GFRA2: variants seen among roughly 807,000 people sequenced by gnomAD.
GFRA2 encodes the protein GDNF family receptor alpha 2, also known as GDNF family receptor alpha-2.
A neutral mutation model predicts 48.3 loss-of-function variants in GFRA2; 17 were observed. The observed-to-expected ratio is 0.35, with a 90% CI of 0.24 to 0.53. GFRA2 has a LOEUF of 0.53. GFRA2 is among the 20% of genes least tolerant of loss of function. The pLI is 0.93. For synonymous variants in GFRA2, 305 were observed against 257.2 expected (o/e 1.19, Z -1.78); for missense variants, 660 against 637.3 (o/e 1.04, Z -0.38).
At chr8:21,726,989 A>G (rs553059079) in intron 4 of GFRA2, among the ~76,000 whole-genome samples, 1 of 152,150 alleles carries the variant, frequency 6.6e-6, no homozygotes, top group South Asian at 2.1e-4. Context: ...TGACCTCGTG[A>G]TCCACCTGCC....
At chr8:21,747,801 C>CACAT (rs1491168901) in intron 4 of GFRA2, among the ~76,000 whole-genome samples, 1 of 149,672 alleles carries the variant, frequency 6.7e-6, no homozygotes, top group African/African-American at 2.5e-5. Context: ...CACACACACA[C>CACAT]GCATGCACAC....
At chr8:21,763,751 G>T (rs187205482) in intron 3 of GFRA2, among the ~76,000 whole-genome samples, 2 of 151,294 alleles carry the variant, frequency 1.3e-5, no homozygotes, top group East Asian at 1.9e-4. Flanking sequence ...CCAAACACTT[G>T]CTCTCCCTCA....
At chr8:21,748,426 C>G (rs1210644371) in intron 4 of GFRA2, among the ~76,000 whole-genome samples, 3 of 151,928 alleles carry the variant, frequency 2.0e-5, no homozygotes, top group East Asian at 3.9e-4. Flanking sequence ...GTAAACAAAA[C>G]AGAAATAGTT....
rs781042387 is a variant in GFRA2 at position 21,750,740 on chromosome 8, C to T, written c.642G>A (p.Glu214=). Residue 214 remains glutamate (E), a synonymous_variant, in exon 4 of 9, where the codon GAG becomes GAA. Transcript: ENST00000524240. The surrounding 1 kb of genome is among the most constrained non-coding windows in gnomAD (Gnocchi z 5.7). ...AGCAGAAGAGCATGCGGTAGGTGTA[C>T]TCGCTGGGCACCCGGTCGAAGAACT... The part of the protein sequence containing the change: ...LRQFFDRVPS[E]YTYRMLFCSC... 2 of 1,614,008 alleles carry T rather than the reference C, an allele frequency of 1.2e-6. No individual in the cohort carries two copies. The highest frequency in any genetic ancestry group is 1.7e-6 in the Non-Finnish European group (2 of 1,179,898).
intron 3 of GFRA2, among the ~76,000 whole-genome samples, chr8:21,768,121 G>A (rs1288398995): frequency 3.9e-5 from 6 of 152,182 alleles, no homozygotes; most frequent in South Asian, 4.2e-4. Flanking sequence ...ACCTCTCCTC[G>A]TCTCCATAGC....
intron 4 of GFRA2, among the ~76,000 whole-genome samples, chr8:21,715,427 G>A (rs574213667): frequency 7.2e-5 from 11 of 152,330 alleles, no homozygotes; most frequent in African/African-American, 2.6e-4. Context: ...TTCTGCCTCA[G>A]CCTCCCAAGC....
intron 4 of GFRA2, among the ~76,000 whole-genome samples, chr8:21,716,269 G>T (rs1374167313): frequency 1.3e-5 from 2 of 150,308 alleles, no homozygotes; most frequent in Non-Finnish European, 2.9e-5. Context: ...GTTGCAGTGA[G>T]CCCAGATCAC....
At position 21,809,602 on chromosome 8, in the gene GFRA2, C is replaced by T. The variant is rs748496386; in HGVS notation, c.-148+2629G>A. On this transcript the variant is annotated intron_variant, in intron 1 of 10. Transcript: ENST00000517328. ...TCGGCCTCCCAAAGTGCTAGGATTA[C>T]AGGCGTGAGCCACCGCGCCCGGCCA... Among the ~76,000 whole-genome samples, 86 of 152,294 alleles carry T rather than the reference C, an allele frequency of 5.6e-4. 1 individual carries two copies. The highest frequency in any genetic ancestry group is 1.0e-3 in the Non-Finnish European group (71 of 68,002).
In GFRA2 at chr8:21,705,001, G is replaced by C; in HGVS notation, c.1029C>G (p.Thr343=). 6.2e-7 allele frequency: 1 copy of C among 1,610,088 alleles called. No individual in the cohort carries two copies. The highest frequency in any genetic ancestry group is 8.5e-7 in the Non-Finnish European group (1 of 1,178,594). ...EECEKFLRDF[T]ENPCLRNAIQ... is the part of the protein sequence containing the mutation. ...AGAACTTACGGAGGCATGGGTTCTC[G>C]GTGAAGTCCCTGAGGAACTTCTCAC... The change falls in exon 6 of 9, where the codon ACC becomes ACG. Residue 343 remains threonine (T), a synonymous_variant. Transcript: ENST00000524240.
Position 21,702,960 on chromosome 8 carries a change from A to G in GFRA2, c.1063T>C (p.Phe355Leu). The G allele has an allele frequency of 7.2e-6, 11 of 1,530,352 alleles. No homozygotes were observed. Among genetic ancestry groups the G allele is most frequent in the Non-Finnish European group, 9.6e-6 (11 of 1,145,246 alleles). The allele number at this position is 1,530,352 out of a possible 1,614,324, so 94.8% of individuals were successfully genotyped here. The change falls in exon 7 of 9, where the codon TTT (phenylalanine) becomes CTT (leucine). Residue 355 changes from phenylalanine to leucine, a missense_variant. Coordinates refer to ENST00000524240, the MANE Select transcript of GFRA2 (RefSeq NM_001495.5). ...NPCLRNAIQA[F>L]GNGTDVNVSP... ...ACGTTCACGTCCGTGCCGTTGCCAA[A>G]GGCCTGGATGGCGTTCCCTGGGATG...
At chr8:21,707,581 G>C (rs1482465135) in intron 4 of GFRA2, among the ~76,000 whole-genome samples, 1 of 152,188 alleles carries the variant, frequency 6.6e-6, no homozygotes, top group African/African-American at 2.4e-5. Flanking sequence ...CCAGGACCCT[G>C]CAGGCTAAGA....
intron 4 of GFRA2, among the ~76,000 whole-genome samples, chr8:21,735,614 T>C (rs1355510184): frequency 6.6e-6 from 1 of 152,208 alleles, no homozygotes; most frequent in Non-Finnish European, 1.5e-5. Context: ...CGAGGTTTCA[T>C]AAGCCCAAAT....
At chr8:21,728,431 CA>C (rs1484643084) in intron 4 of GFRA2, among the ~76,000 whole-genome samples, 1 of 151,950 alleles carries the variant, frequency 6.6e-6, no homozygotes, top group African/African-American at 2.4e-5. Context: ...CATACCACCA[CA>C]CCCGGCTATT....
At position 21,730,242 on chromosome 8, in the gene GFRA2, T is replaced by C. The variant is rs186048573; in HGVS notation, c.794+20346A>G. Among the ~76,000 whole-genome samples the C allele has an allele frequency of 4.3e-4, 65 of 151,958 alleles. No individual in the cohort carries two copies. In the East Asian group the frequency reaches 0.011, roughly 26 times the overall value. On this transcript the variant is annotated intron_variant, in intron 4 of 8. Transcript: ENST00000524240. ...CAACATGGTAAAACCCCATCTCTAC[T>C]AAAAATACGAAATAAGCCAGGCATG... is the stretch of plus-strand genomic sequence containing the variant.
intron 2 of GFRA2, among the ~76,000 whole-genome samples, chr8:21,802,202 T>A (rs999128463): frequency 5.3e-5 from 8 of 152,360 alleles, no homozygotes; most frequent in African/African-American, 1.9e-4. Context: ...CTGCCTGGCT[T>A]TGGGAAAGTC....
chr8:21,745,312 G>A (rs991871759), intron 4 of GFRA2, among the ~76,000 whole-genome samples: 5 of 152,204 alleles, frequency 3.3e-5, no homozygotes, highest in Non-Finnish European at 5.9e-5. Context: ...CCCTCAGCAG[G>A]AGGAGGGACC....
chr8:21,742,755 G>A (rs1482211022), intron 4 of GFRA2, among the ~76,000 whole-genome samples: 1 of 152,162 alleles, frequency 6.6e-6, no homozygotes, highest in African/African-American at 2.4e-5. Flanking sequence ...GACCTGCCAC[G>A]AATGGGTCAC....
At chr8:21,738,106 T>C (rs958048236) in intron 4 of GFRA2, among the ~76,000 whole-genome samples, 1 of 150,952 alleles carries the variant, frequency 6.6e-6, no homozygotes, top group East Asian at 2.0e-4. Context: ...AACCCAAACA[T>C]TGTCCCTCCA....
chr8:21,773,663 A>C (rs1336997691), intron 3 of GFRA2, among the ~76,000 whole-genome samples: 3 of 152,344 alleles, frequency 2.0e-5, no homozygotes, highest in Admixed American at 6.5e-5. Flanking sequence ...GTTAGGAAGA[A>C]TTATTTTTTC....
Sources: allele counts gnomAD v4.1 joint callset (sites outside exome capture counted in the v4.1 genomes callset), GRCh38; gene constraint gnomAD v4.1.1; non-coding constraint Gnocchi (gnomAD v3.1); transcripts MANE v1.5; gene names NCBI Gene and HGNC (gene_info 2026-07-23, HGNC 2026-07-21).